PTPRU: variants seen among roughly 807,000 people sequenced by gnomAD.
PTPRU encodes protein tyrosine phosphatase receptor type U.
Under a neutral mutation model 166.3 loss-of-function variants are expected in PTPRU, and 69 were observed. The observed-to-expected ratio is 0.41, with a 90% CI of 0.34 to 0.51. The LOEUF (loss-of-function observed/expected upper bound fraction) is 0.51. PTPRU is among the 20% of genes least tolerant of loss of function. The pLI is 0.09. For synonymous variants in PTPRU, 793 were observed against 814.0 expected (o/e 0.97, Z 0.44); for missense variants, 1,657 against 2,013.7 (o/e 0.82, Z 3.39).
chr1:29,292,083 C>T (rs142687138), intron 15 of PTPRU, 57 bp downstream of exon 15: 1 of 1,592,460 alleles, frequency 6.3e-7, no homozygotes. Flanking sequence ...CAACCTGAGA[C>T]AATAGGGTCC....
At chr1:29,324,192 A>G (rs1205619368) in intron 28 of PTPRU, among the ~76,000 whole-genome samples, 3 of 152,170 alleles carry the variant, frequency 2.0e-5, no homozygotes, top group Admixed American at 6.5e-5. Flanking sequence ...ATCCATCTGC[A>G]TGCCCCATTC....
chr1:29,325,827 C>T lies in PTPRU; in HGVS notation c.*166C>T. The T allele has an allele frequency of 1.3e-6, 1 of 767,322 alleles. No homozygotes were observed. 47.5% of individuals were successfully genotyped at this position (767,322 alleles called of 1,614,324 possible). ...CTCCCCCTTCCACTGTGGGCAGGGC[C>T]TTTCGCTTGTCCCATGGGCGGGTGG... On this transcript the variant is annotated 3_prime_UTR_variant, in exon 30 of 30. Coordinates refer to ENST00000373779, the MANE Select transcript of PTPRU (RefSeq NM_133178.4).
rs777689742 is a variant in PTPRU at position 29,317,795 on chromosome 1, C to T, written c.3561C>T (p.Ile1187=). ...CGCTGGACGTGGAGGAGTGCAGCATCGCCCTGTTGCCCCGGAACCGCGACA... is the reference window on the plus strand; with the variant it reads ...CGCTGGACGTGGAGGAGTGCAGCATTGCCCTGTTGCCCCGGAACCGCGACA... ...TPPLDVEECS[I]ALLPRNRDKN... The change falls in exon 25 of 30, where the codon ATC becomes ATT. Residue 1187 remains isoleucine (I), a synonymous_variant. Coordinates refer to ENST00000373779, the MANE Select transcript of PTPRU (RefSeq NM_133178.4). This position sits in a 1 kb window ranked among gnomAD's most constrained non-coding sequence, Gnocchi z 5.6. 6.3e-5 allele frequency: 101 copies of T among 1,612,840 alleles called. No individual in the cohort carries two copies. The highest frequency in any genetic ancestry group is 1.6e-4 in the Middle Eastern group (1 of 6,084).
rs752693924 is a variant in PTPRU, at chr1:29,282,954, G to A, written c.2142+5G>A. The A allele has an allele frequency of 1.2e-6, 2 of 1,612,086 alleles. No individual in the cohort carries two copies. Among genetic ancestry groups the A allele is most frequent in the South Asian group, 2.2e-5 (2 of 90,960 alleles). On this transcript the variant is annotated splice_donor_5th_base_variant and intron_variant, in intron 12 of 29. Transcript: ENST00000373779. ...GCAGCAAGCCACCTGAAGGGGGTGA[G>A]GGACCGGCCAGGGTCATGGTGGGCG...
intron 15 of PTPRU, among the ~76,000 whole-genome samples, chr1:29,300,247 A>C (rs1687078251): frequency 6.6e-6 from 1 of 152,150 alleles, no homozygotes; most frequent in Admixed American, 6.5e-5. Flanking sequence ...TACATTGCAC[A>C]GTGTTCTCCT....
At chr1:29,299,632 G>A (rs371582011) in intron 15 of PTPRU, among the ~76,000 whole-genome samples, 1 of 152,140 alleles carries the variant, frequency 6.6e-6, no homozygotes, top group Non-Finnish European at 1.5e-5. Context: ...CTCCTTGTGG[G>A]GCTGTGCCAG....
intron 22 of PTPRU, among the ~76,000 whole-genome samples, chr1:29,314,463 C>A (rs1287689008): frequency 6.6e-6 from 1 of 152,164 alleles, no homozygotes. Context: ...TCTCCTTCCC[C>A]CTCAGCTCTG....
intron 24 of PTPRU, among the ~76,000 whole-genome samples, chr1:29,316,940 C>G (rs1211154164): frequency 2.6e-5 from 4 of 152,112 alleles, no homozygotes; most frequent in African/African-American, 9.7e-5. Flanking sequence ...TCCAGAGAAG[C>G]CTGAGAGCGA....
chr1:29,326,061 TCCCA>T lies in PTPRU; in HGVS notation c.*402_*405del, dbSNP rs2151973640. On this transcript the variant is annotated 3_prime_UTR_variant, in exon 30 of 30. Coordinates refer to ENST00000373779, the MANE Select transcript of PTPRU (RefSeq NM_133178.4). Reference sequence around the variant, plus strand: ...TGCAGAGAGCATCCCAGGCCAAGGTTCCCACTCAGCCTGCCCCCTCTGCATGTGG... The same window carrying T: ...TGCAGAGAGCATCCCAGGCCAAGGTTCTCAGCCTGCCCCCTCTGCATGTGG... 2.5e-6 allele frequency: 1 copy of T among 403,158 alleles called. No individual in the cohort carries two copies. The highest frequency in any genetic ancestry group is 3.6e-5 in the East Asian group (1 of 28,050). 25.0% of individuals were successfully genotyped at this position (403,158 alleles called of 1,614,324 possible).
At chr1:29,266,010 GTTTTTTTTTTTTTTT>G (rs34163524) in intron 7 of PTPRU, among the ~76,000 whole-genome samples, 3 of 79,200 alleles carry the variant, frequency 3.8e-5, no homozygotes, top group Non-Finnish European at 7.3e-5. Context: ...TTTCTCCTGG[GTTTTTTTTTTTTTTT>G]TTTTTTTTTT....
intron 1 of PTPRU, among the ~76,000 whole-genome samples, chr1:29,248,010 G>A (rs2151940795): frequency 6.6e-6 from 1 of 152,322 alleles, no homozygotes; most frequent in South Asian, 2.1e-4. Context: ...GTTTGTCAGG[G>A]CTCTTCGGGC....
At chr1:29,306,283 G>C (rs555837346) in intron 18 of PTPRU, among the ~76,000 whole-genome samples, 1 of 152,322 alleles carries the variant, frequency 6.6e-6, no homozygotes, top group South Asian at 2.1e-4. Flanking sequence ...GGCGAGGCGG[G>C]ACAGGGCCCC....
rs1688129010 is a variant in PTPRU at position 29,320,893 on chromosome 1, G to T, written c.3828+68G>T. 2 of 1,421,100 alleles carry T rather than the reference G, an allele frequency of 1.4e-6. No homozygotes were observed. Among genetic ancestry groups the T allele is most frequent in the Non-Finnish European group, 1.9e-6 (2 of 1,074,022 alleles). The allele number at this position is 1,421,100 out of a possible 1,614,324, so 88.0% of individuals were successfully genotyped here. On this transcript the variant is annotated intron_variant, in intron 26 of 29. Transcript: ENST00000373779. This position sits in a 1 kb window ranked among gnomAD's most constrained non-coding sequence, Gnocchi z 5.2. Reference sequence around the variant, plus strand: ...GGTCCTCTGTGTATTCAGGGCCATGGTCCCCAAAGCCAAAAGTTGGGTCCC... The same window carrying T: ...GGTCCTCTGTGTATTCAGGGCCATGTTCCCCAAAGCCAAAAGTTGGGTCCC...
chr1:29,280,079 C>G lies in PTPRU; in HGVS notation c.1806C>G (p.Gly602=), dbSNP rs1428571913. Residue 602 remains glycine (G), a synonymous_variant, in exon 11 of 30, where the codon GGC becomes GGG. Coordinates refer to ENST00000373779, the MANE Select transcript of PTPRU (RefSeq NM_133178.4). The surrounding 1 kb of genome is among the most constrained non-coding windows in gnomAD (Gnocchi z 4.2). ...FDYADMPSPL[G]ESENTITVLL... ...ATGCCGACATGCCGTCACCCCTGGG[C>G]GAGTCTGAGAACACCATCACCGTGC... 6.2e-7 allele frequency: 1 copy of G among 1,613,732 alleles called. No homozygotes were observed. Among genetic ancestry groups the G allele is most frequent in the Admixed American group, 1.7e-5 (1 of 60,016 alleles).
chr1:29,255,279 C>T lies in PTPRU; in HGVS notation c.78C>T (p.Gly26=). 6.2e-7 allele frequency: 1 copy of T among 1,613,456 alleles called. No individual in the cohort carries two copies. The highest frequency in any genetic ancestry group is 2.2e-5 in the East Asian group (1 of 44,836). Reference sequence around the variant, plus strand: ...AACCAGGCCCTGCTCTCACAGCTGGCTGCACCTTCGAGGAGGCAAGTGACC... The same window carrying T: ...AACCAGGCCCTGCTCTCACAGCTGGTTGCACCTTCGAGGAGGCAAGTGACC... ...CAPETETPAA[G]CTFEEASDPA... is the part of the protein sequence containing the mutation. Residue 26 remains glycine, a synonymous_variant, in exon 2 of 30, where the codon GGC becomes GGT. Transcript: ENST00000373779.
chr1:29,304,964 C>G, intron 17 of PTPRU, 115 bp downstream of exon 17: 1 of 921,450 alleles, frequency 1.1e-6, no homozygotes, highest in Non-Finnish European at 1.6e-6. Flanking sequence ...CATTGGCCAC[C>G]TTTTATTGAG....
intron 7 of PTPRU, 142 bp downstream of exon 7, chr1:29,261,045 T>G (rs1685042374): frequency 1.0e-6 from 1 of 959,402 alleles, no homozygotes; most frequent in Admixed American, 3.8e-5. Flanking sequence ...ATGGTAAAGA[T>G]AATGATAGCT....
At chr1:29,284,001 C>T (rs746225778) in intron 13 of PTPRU, 25 bp downstream of exon 13, 5 of 1,612,786 alleles carry the variant, frequency 3.1e-6, no homozygotes, top group Non-Finnish European at 4.2e-6. Context: ...TTCCTGCAGC[C>T]TTTCAGCGGC....
intron 14 of PTPRU, among the ~76,000 whole-genome samples, chr1:29,288,283 T>G (rs1250355269): frequency 1.3e-5 from 2 of 152,150 alleles, no homozygotes; most frequent in African/African-American, 2.4e-5. Context: ...AAGGATTCTG[T>G]CCTCCTGTAC....
Sources: gnomAD v4.1 joint callset for allele counts (sites outside exome capture counted in the v4.1 genomes callset) on GRCh38, gnomAD v4.1.1 for gene constraint, Gnocchi (gnomAD v3.1) non-coding constraint, MANE v1.5 for transcripts, NCBI Gene and HGNC (gene_info 2026-07-23, HGNC 2026-07-21) for gene names.